The following IL17RC variants were observed in gnomAD, a reference collection of about 807,000 sequenced individuals.
IL17RC encodes interleukin-17 receptor C.
A neutral mutation model predicts 86.7 loss-of-function variants in IL17RC; 53 were observed. The ratio of observed to expected loss-of-function variants is 0.61; its 90% CI spans 0.49 to 0.77. The LOEUF (loss-of-function observed/expected upper bound fraction) is 0.77, where lower values mean the gene tolerates loss of function less well. Ranked by LOEUF, IL17RC falls within the 30% of genes least tolerant of loss-of-function variation. The pLI is 0.00. For synonymous variants in IL17RC, 439 were observed against 413.1 expected, an observed-to-expected ratio of 1.06 and a Z score of -0.76; for missense variants, 957 against 940.0, an observed-to-expected ratio of 1.02 and a Z score of -0.24.
rs186438962 is a variant in IL17RC at position 9,928,525 on chromosome 3, A to G, written c.1059+39A>G. ...AGGGCACCTCCCGTGGTGAGGGGAG[A>G]GTGGGGAACCGGGGGTCCCCTTTTG... On this transcript the variant is annotated intron_variant, in intron 11 of 18. Transcript: ENST00000403601. The G allele has an allele frequency of 1.2e-3, 1,889 of 1,613,676 alleles. 2 individuals are homozygous for G. The highest frequency in any genetic ancestry group is 1.3e-3 in the Non-Finnish European group (1,582 of 1,179,800).
intron 18 of IL17RC, 37 bp downstream of exon 18, chr3:9,932,895 C>CG (rs1243017355): frequency 3.8e-6 from 6 of 1,593,534 alleles, no homozygotes; most frequent in Non-Finnish European, 5.1e-6. Context: ...GGGCCGCCCC[C>CG]GGGGAGCCAG....
At chr3:9,932,885 G>A (rs757062328) in intron 18 of IL17RC, 27 bp downstream of exon 18, 1 of 1,591,136 alleles carries the variant, frequency 6.3e-7, no homozygotes, top group South Asian at 1.1e-5. Flanking sequence ...GCTGGGCGGA[G>A]GGCCGCCCCC....
Position 9,930,549 on chromosome 3 carries a change from T to A in IL17RC, c.1338+90T>A. 1.5e-6 allele frequency: 2 copies of A among 1,304,822 alleles called. No individual in the cohort carries two copies. The highest frequency in any genetic ancestry group is 2.2e-6 in the Non-Finnish European group (2 of 921,512). 80.8% of individuals were successfully genotyped at this position (1,304,822 alleles called of 1,614,324 possible). On this transcript the variant is annotated intron_variant, in intron 15 of 18. Transcript: ENST00000403601. This position sits in a 1 kb window ranked among gnomAD's most constrained non-coding sequence, Gnocchi z 5.8. Reference sequence around the variant, plus strand: ...ACCTACTGTCTATTTAGGCTTATTTTATGTTCAGCCCTGGGAAAGTTAAGA... The same window carrying A: ...ACCTACTGTCTATTTAGGCTTATTTAATGTTCAGCCCTGGGAAAGTTAAGA...
intron 9 of IL17RC, among the ~76,000 whole-genome samples, chr3:9,924,977 T>C (rs35164230): frequency 0.011 from 1,716 of 152,128 alleles, 30 homozygotes; most frequent in African/African-American, 0.039. Context: ...AGTTTTTTTT[T>C]GTTTTGTGTA....
chr3:9,930,562 G>T lies in IL17RC; in HGVS notation c.1338+103G>T. 1.7e-6 allele frequency: 2 copies of T among 1,205,688 alleles called. No individual in the cohort carries two copies. Among genetic ancestry groups the T allele is most frequent in the Non-Finnish European group, 2.4e-6 (2 of 840,374 alleles). The allele number at this position is 1,205,688 out of a possible 1,614,324, so 74.7% of individuals were successfully genotyped here. A position where few individuals can be genotyped will look rare whatever the true frequency, so the allele number is the denominator to read the frequency against. On this transcript the variant is annotated intron_variant, in intron 15 of 18. Coordinates refer to ENST00000403601, the MANE Select transcript of IL17RC (RefSeq NM_153460.4). This position sits in a 1 kb window ranked among gnomAD's most constrained non-coding sequence, Gnocchi z 5.8. ...TTAGGCTTATTTTATGTTCAGCCCTGGGAAAGTTAAGAGTAGAAGAAGCAC... is the reference window on the plus strand; with the variant it reads ...TTAGGCTTATTTTATGTTCAGCCCTTGGAAAGTTAAGAGTAGAAGAAGCAC...
At chr3:9,931,083 A>G (rs1575599068) in intron 16 of IL17RC, 140 bp downstream of exon 16, 1 of 769,994 alleles carries the variant, frequency 1.3e-6, no homozygotes, top group East Asian at 2.5e-5. Context: ...TCATTCACTC[A>G]AAAAATGATG....
intron 9 of IL17RC, among the ~76,000 whole-genome samples, chr3:9,925,848 T>C (rs1429541703): frequency 6.8e-6 from 1 of 147,750 alleles, no homozygotes; most frequent in Non-Finnish European, 1.5e-5. Flanking sequence ...TTCATTTCTT[T>C]TATTTTCTTA....
At position 9,932,937 on chromosome 3, in the gene IL17RC, C is replaced by A; in HGVS notation, c.1523-16C>A. ...GCCAGCTCACCTCTTCCCTCCCCAT[C>A]TGTTTTCTCCGGCAGCGGCCGCCAG... On this transcript the variant is annotated splice_polypyrimidine_tract_variant and intron_variant, in intron 18 of 18. Transcript: ENST00000403601. The A allele has an allele frequency of 6.2e-7, 1 of 1,610,320 alleles. No individual in the cohort carries two copies. The highest frequency in any genetic ancestry group is 2.2e-5 in the East Asian group (1 of 44,836).
At chr3:9,929,378 G>A (rs2084437863) in intron 12 of IL17RC, 1 of 160,056 alleles carries the variant, frequency 6.2e-6, no homozygotes, top group African/African-American at 2.4e-5. Context: ...AGCAGCACAA[G>A]TCACTGTTTT....
intron 5 of IL17RC, chr3:9,919,053 A>G (rs758749125): frequency 2.7e-4 from 41 of 152,914 alleles, no homozygotes; most frequent in Non-Finnish European, 4.7e-4. Context: ...TGAATTTTAA[A>G]TATATGGGAC....
chr3:9,932,974 C>T lies in IL17RC; in HGVS notation c.1544C>T (p.Ala515Val), dbSNP rs770082531. The change falls in exon 19 of 19, where the codon GCT becomes GTT. Residue 515 changes from alanine (A) to valine (V), a missense_variant. Physicochemically the swap from Ala to Val is moderately conservative, Grantham distance 64 (BLOSUM62 0). Transcript: ENST00000403601. ...RSGAAARGRA[A>V]LLLYSADDSG... ...GCAGCGGCCGCCAGGGGCCGCGCGG[C>T]TCTGCTCCTCTACTCAGCCGATGAC... 28 of 1,604,816 alleles carry T rather than the reference C, an allele frequency of 1.7e-5. No individual in the cohort carries two copies. In the East Asian group the frequency reaches 5.8e-4, roughly 33 times the overall value.
In IL17RC at chr3:9,933,582, G is replaced by A. The variant is rs755919625; in HGVS notation, c.2152G>A (p.Asp718Asn). ...ACCAGGCGCGGGACCTGGGGCGGGG[G>A]ACGGGACTTAAATAAAGGCAGACGC... ...VGPGAGPGAG[D>N]GT is the part of the protein sequence containing the mutation. Residue 718 changes from aspartate (D) to asparagine (N), a missense_variant, in exon 19 of 19, where the codon GAC (aspartate) becomes AAC (asparagine). Coordinates refer to ENST00000403601, the MANE Select transcript of IL17RC (RefSeq NM_153460.4). 3.3e-5 allele frequency: 52 copies of A among 1,596,632 alleles called. No individual in the cohort carries two copies. In the Admixed American group the frequency reaches 7.6e-4, roughly 23 times the overall value.
intron 5 of IL17RC, chr3:9,918,921 G>A (rs914577399): frequency 3.0e-5 from 9 of 298,958 alleles, no homozygotes; most frequent in African/African-American, 4.4e-5. Context: ...ATCACCAAGC[G>A]TTTTTCAGGG....
chr3:9,924,097 A>G (rs1295778311), intron 8 of IL17RC, 77 bp downstream of exon 8: 8 of 1,610,346 alleles, frequency 5.0e-6, no homozygotes, highest in Non-Finnish European at 5.9e-6. Context: ...CATATCAGAG[A>G]GGATCCTTGA....
chr3:9,930,287 T>A lies in IL17RC; in HGVS notation c.1279-113T>A. 6.6e-7 allele frequency: 1 copy of A among 1,523,454 alleles called. No individual in the cohort carries two copies. The highest frequency in any genetic ancestry group is 9.0e-7 in the Non-Finnish European group (1 of 1,105,598). 94.4% of individuals were successfully genotyped at this position (1,523,454 alleles called of 1,614,324 possible). Reference sequence around the variant, plus strand: ...CAGACCAGGGCCATATTCAGCGGCATCACCAAAGTCTCCCAGTCCCCTCTA... The same window carrying A: ...CAGACCAGGGCCATATTCAGCGGCAACACCAAAGTCTCCCAGTCCCCTCTA... On this transcript the variant is annotated intron_variant, in intron 14 of 18. Coordinates refer to ENST00000403601, the MANE Select transcript of IL17RC (RefSeq NM_153460.4). This position sits in a 1 kb window ranked among gnomAD's most constrained non-coding sequence, Gnocchi z 5.8.
Position 9,923,902 on chromosome 3 carries a change from C to T in IL17RC, c.644C>T (p.Ser215Leu). 1.2e-6 allele frequency: 2 copies of T among 1,614,126 alleles called. No individual in the cohort carries two copies. The highest frequency in any genetic ancestry group is 1.7e-6 in the Non-Finnish European group (2 of 1,180,008). ...SCWALPWLNV[S>L]ADGDNVHLVL... ...CCAGCCCTGCCCTGGCTCAACGTGT[C>T]AGCAGATGGTGACAACGTGCATCTG... The change falls in exon 8 of 19, where the codon TCA becomes TTA. Residue 215 changes from serine to leucine, a missense_variant. Coordinates refer to ENST00000403601, the MANE Select transcript of IL17RC (RefSeq NM_153460.4).
chr3:9,928,555 C>T, intron 11 of IL17RC, 25 bp from the exon 12 acceptor site: 1 of 1,613,760 alleles, frequency 6.2e-7, no homozygotes, highest in Non-Finnish European at 8.5e-7. Flanking sequence ...CTTTTGTGAT[C>T]CCACCCATTC....
At chr3:9,928,526 G>A in intron 11 of IL17RC, 40 bp downstream of exon 11, 2 of 1,613,590 alleles carry the variant, frequency 1.2e-6, no homozygotes, top group African/African-American at 1.3e-5. Flanking sequence ...TGAGGGGAGA[G>A]TGGGGAACCG....
chr3:9,922,601 C>A (rs1229810033), intron 7 of IL17RC, among the ~76,000 whole-genome samples: 1 of 152,150 alleles, frequency 6.6e-6, no homozygotes, highest in Non-Finnish European at 1.5e-5. Flanking sequence ...TGACAAAAAA[C>A]CCGACCCCAC....
Sources: allele counts gnomAD v4.1 joint callset (sites outside exome capture counted in the v4.1 genomes callset), GRCh38; gene constraint gnomAD v4.1.1; non-coding constraint Gnocchi (gnomAD v3.1); transcripts MANE v1.5; gene names NCBI Gene and HGNC (gene_info 2026-07-23, HGNC 2026-07-21).